WWP2: variants seen among roughly 807,000 people sequenced by gnomAD.
WWP2 encodes NEDD4-like E3 ubiquitin-protein ligase WWP2.
In WWP2, 57 loss-of-function variants were observed where a neutral mutation model predicts 121.0. The observed-to-expected ratio is 0.47, with a 90% CI of 0.38 to 0.59. The LOEUF (loss-of-function observed/expected upper bound fraction) is 0.59, where lower values mean the gene tolerates loss of function less well. WWP2 is among the 20% of genes least tolerant of loss of function. The pLI is 0.00. For synonymous variants in WWP2, 449 were observed against 441.3 expected (o/e 1.02, Z -0.22); for missense variants, 962 against 1,158.9 (o/e 0.83, Z 2.47).
chr16:69,833,538 T>C (rs1364470129), intron 4 of WWP2, among the ~76,000 whole-genome samples: 2 of 152,232 alleles, frequency 1.3e-5, no homozygotes, highest in African/African-American at 2.4e-5. Flanking sequence ...CAGAGTCTTT[T>C]CCCTAGATTC....
At chr16:69,919,699 T>C (rs1272774411) in intron 10 of WWP2, among the ~76,000 whole-genome samples, 1 of 152,092 alleles carries the variant, frequency 6.6e-6, no homozygotes, top group Non-Finnish European at 1.5e-5. Context: ...CAGAGCACTT[T>C]AGATGCGAAG....
intron 8 of WWP2, among the ~76,000 whole-genome samples, chr16:69,908,321 A>ATGATCT (rs1874922270): frequency 1.3e-5 from 2 of 152,142 alleles, no homozygotes; most frequent in South Asian, 4.1e-4. Context: ...GGGCCTATAG[A>ATGATCT]TGATCTTGTG....
chr16:69,825,074 C>T (rs959511151), intron 4 of WWP2, among the ~76,000 whole-genome samples: 6 of 151,906 alleles, frequency 3.9e-5, no homozygotes, highest in South Asian at 2.1e-4. Context: ...GCATCTGTAG[C>T]TTTTATGTGT....
At chr16:69,810,998 G>A (rs1457078386) in intron 4 of WWP2, among the ~76,000 whole-genome samples, 1 of 152,030 alleles carries the variant, frequency 6.6e-6, no homozygotes, top group East Asian at 1.9e-4. Flanking sequence ...CAAGTGATCT[G>A]CCCGCCTTGG....
intron 4 of WWP2, among the ~76,000 whole-genome samples, chr16:69,818,508 C>T (rs1039774257): frequency 6.6e-6 from 1 of 152,128 alleles, no homozygotes; most frequent in Admixed American, 6.6e-5. Flanking sequence ...CGCCTGACCT[C>T]CTTTTCTTCT....
intron 8 of WWP2, among the ~76,000 whole-genome samples, chr16:69,907,824 T>G (rs138920990): frequency 2.7e-4 from 41 of 152,348 alleles, no homozygotes; most frequent in Middle Eastern, 3.4e-3. Context: ...AAAATAACCA[T>G]ATGTTGTGTT....
intron 1 of WWP2, among the ~76,000 whole-genome samples, chr16:69,774,401 C>T (rs1047389617): frequency 6.6e-6 from 1 of 152,100 alleles, no homozygotes; most frequent in African/African-American, 2.4e-5. Context: ...ACTGTGACTA[C>T]AGGCATGTGC....
chr16:69,854,251 G>GTGCT (rs1286300909), intron 6 of WWP2, among the ~76,000 whole-genome samples: 3 of 152,250 alleles, frequency 2.0e-5, no homozygotes, highest in African/African-American at 7.2e-5. Context: ...GCTTGACCAT[G>GTGCT]TGCTGATGGA....
chr16:69,788,325 G>GA (rs34586560), intron 2 of WWP2: 4 of 151,426 alleles, frequency 2.6e-5, no homozygotes, highest in Middle Eastern at 3.2e-3. Flanking sequence ...CCATGTCTCA[G>GA]AAAAAAAAAT....
chr16:69,830,649 T>A (rs2056778030), intron 4 of WWP2, among the ~76,000 whole-genome samples: 1 of 151,050 alleles, frequency 6.6e-6, no homozygotes, highest in African/African-American at 2.4e-5. Flanking sequence ...CGCGGGGAGG[T>A]GGAGTAAGCA....
Position 69,840,188 on chromosome 16 carries a change from G to A in WWP2, c.403G>A (p.Gly135Arg), listed in dbSNP as rs1289114218. ...GAACAAAGGCAGCGTTGTCTCAGGC[G>A]GAGAGCTGACAATTTTCCTGGACGG... Reference protein sequence around the residue: ...TENKGSVVSGGELTIFLDGPT... With the variant: ...TENKGSVVSGRELTIFLDGPT... Residue 135 changes from glycine (G) to arginine (R), a missense_variant, in exon 5 of 24, where the codon GGA becomes AGA. Physicochemically the swap from Gly to Arg is moderately radical, Grantham distance 125 (BLOSUM62 -2). Coordinates refer to ENST00000359154, the MANE Select transcript of WWP2 (RefSeq NM_001270454.2). 8 of 1,614,134 alleles carry A rather than the reference G, an allele frequency of 5.0e-6. No homozygotes were observed. Among genetic ancestry groups the A allele is most frequent in the South Asian group, 2.2e-5 (2 of 91,094 alleles).
chr16:69,789,337 C>T (rs995196940), intron 2 of WWP2, among the ~76,000 whole-genome samples: 15 of 152,178 alleles, frequency 9.9e-5, no homozygotes, highest in Admixed American at 7.2e-4. Context: ...TCAAGCAATT[C>T]TTCTGCCTCA....
Position 69,935,781 on chromosome 16 carries a change from G to A in WWP2, c.1843-72G>A, listed in dbSNP as rs1179693255. 3.9e-6 allele frequency: 6 copies of A among 1,539,184 alleles called. No individual in the cohort carries two copies. Among genetic ancestry groups the A allele is most frequent in the South Asian group, 3.9e-5 (3 of 77,854 alleles). ...GGTAGCGGTAGCAGAGTTTGATACC[G>A]AGCATCTGAGAGCTGGTCTTGGCAG... On this transcript the variant is annotated intron_variant, in intron 17 of 23. Transcript: ENST00000359154. The surrounding 1 kb of genome is among the most constrained non-coding windows in gnomAD (Gnocchi z 5.2).
In WWP2 at chr16:69,860,829, C is replaced by T. The variant is rs75135913; in HGVS notation, c.576-10975C>T. On this transcript the variant is annotated intron_variant, in intron 6 of 23. Transcript: ENST00000359154. ...CCAGCCAGGACAACATAGCAAGACT[C>T]GATCTCTAGTTAAAAAAAAAAAAAG... Among the ~76,000 whole-genome samples, 1,287 of 134,570 alleles carry T rather than the reference C, an allele frequency of 9.6e-3. 22 individuals carry two copies. Among genetic ancestry groups the T allele is most frequent in the African/African-American group, 0.036 (1,187 of 32,682 alleles). The allele number at this position is 134,570 out of a possible 152,430, so 88.3% of individuals were successfully genotyped here.
intron 6 of WWP2, among the ~76,000 whole-genome samples, chr16:69,862,794 C>T (rs1040475746): frequency 7.1e-6 from 1 of 140,968 alleles, no homozygotes; most frequent in African/African-American, 2.7e-5. Context: ...AGTGTGATCA[C>T]AGCTCACTGC....
chr16:69,929,017 T>C (rs966266257), intron 11 of WWP2, among the ~76,000 whole-genome samples: 1 of 152,130 alleles, frequency 6.6e-6, no homozygotes, highest in Non-Finnish European at 1.5e-5. Context: ...CCAGGTTAGC[T>C]GCATGCAGTG....
intron 6 of WWP2, among the ~76,000 whole-genome samples, chr16:69,863,998 T>A (rs1010157765): frequency 1.3e-5 from 2 of 152,214 alleles, no homozygotes; most frequent in African/African-American, 4.8e-5. Flanking sequence ...TATTTGGCGC[T>A]TACAAGCAAA....
At chr16:69,860,830 G>T (rs571296767) in intron 6 of WWP2, among the ~76,000 whole-genome samples, 12 of 129,954 alleles carry the variant, frequency 9.2e-5, no homozygotes, top group African/African-American at 3.6e-4. Context: ...AGCAAGACTC[G>T]ATCTCTAGTT....
chr16:69,935,018 A>G lies in WWP2; in HGVS notation c.1843-835A>G, dbSNP rs947627591. 1.3e-5 allele frequency among the ~76,000 whole-genome samples: 2 copies of G among 152,184 alleles called. No individual in the cohort carries two copies. The highest frequency in any genetic ancestry group is 2.9e-5 in the Non-Finnish European group (2 of 68,030). On this transcript the variant is annotated intron_variant, in intron 17 of 23. Coordinates refer to ENST00000359154, the MANE Select transcript of WWP2 (RefSeq NM_001270454.2). The surrounding 1 kb of genome is among the most constrained non-coding windows in gnomAD (Gnocchi z 5.2). ...TCCCAGCGTCTGTATTTAACTGGAA[A>G]GAGGGACACAATGTGAATATGGAAA...
Sources: allele counts gnomAD v4.1 joint callset (sites outside exome capture counted in the v4.1 genomes callset), GRCh38; gene constraint gnomAD v4.1.1; non-coding constraint Gnocchi (gnomAD v3.1); transcripts MANE v1.5; gene names NCBI Gene and HGNC (gene_info 2026-07-23, HGNC 2026-07-21).